Variants in NRIP3 observed in about 807,000 individuals in gnomAD.
NRIP3 encodes the protein nuclear receptor-interacting protein 3.
In NRIP3, 31 loss-of-function variants were observed where a neutral mutation model predicts 29.0. That is an observed-to-expected ratio of 1.07 (90% CI 0.80 to 1.44). NRIP3 has a LOEUF of 1.44. Ranked by LOEUF, NRIP3 falls within the 40% of genes most tolerant of loss-of-function variation. NRIP3 has a pLI of 0.00. For missense variants in NRIP3, 314 were observed against 297.9 expected, an observed-to-expected ratio of 1.05 and a Z score of -0.40; for synonymous variants, 131 against 118.3, an observed-to-expected ratio of 1.11 and a Z score of -0.70.
intron 1 of NRIP3, among the ~76,000 whole-genome samples, chr11:8,994,089 G>A (rs1566139134): frequency 6.6e-6 from 1 of 152,150 alleles, no homozygotes; most frequent in Non-Finnish European, 1.5e-5. Context: ...CATAGAAGCT[G>A]CTGATACTAA....
chr11:8,984,251 ATTTT>A, intron 4 of NRIP3, 127 bp from the exon 5 acceptor site: 1 of 358,440 alleles, frequency 2.8e-6, no homozygotes, highest in Non-Finnish European at 4.5e-6. Context: ...AGCATGTGTT[ATTTT>A]TTTTTTATTT....
At position 8,983,138 on chromosome 11, in the gene NRIP3, G is replaced by A; in HGVS notation, c.*407C>T. The A allele has an allele frequency of 2.5e-6, 1 of 402,080 alleles. No individual in the cohort carries two copies. The highest frequency in any genetic ancestry group is 4.8e-6 in the Non-Finnish European group (1 of 209,668). The allele number at this position is 402,080 out of a possible 1,614,324, so 24.9% of individuals were successfully genotyped here. ...ATCCTGGCACCTGTTTGAAACAGCT[G>A]AAAGGAGGTAAAGGTCAGGTTCCTG... On this transcript the variant is annotated 3_prime_UTR_variant, in exon 7 of 7. Transcript: ENST00000309166.
rs1366025547 is a variant in NRIP3, at chr11:9,003,900, G to A, written c.36C>T (p.Arg12=). ...CCGCCTCCCGCATGTCGGTCTCCTT[G>A]CGGCCGCCCTCAGTGAGGAGCCCTG... is the stretch of plus-strand genomic sequence containing the variant. ...FYSGLLTEGG[R]KETDMREAAS... The change falls in exon 1 of 7, where the codon CGC becomes CGT. Residue 12 remains arginine, a synonymous_variant. Coordinates refer to ENST00000309166, the MANE Select transcript of NRIP3 (RefSeq NM_020645.3). 6.6e-7 allele frequency: 1 copy of A among 1,521,682 alleles called. No homozygotes were observed. Among genetic ancestry groups the A allele is most frequent in the Admixed American group, 2.1e-5 (1 of 47,994 alleles). 94.3% of individuals were successfully genotyped at this position (1,521,682 alleles called of 1,614,324 possible). A position where few individuals can be genotyped will look rare whatever the true frequency, so the allele number is the denominator to read the frequency against.
In NRIP3 at chr11:8,980,941, G is replaced by C. The variant is rs1854405132; in HGVS notation, c.*2604C>G. ...TTTTCAAACTCTGTTATTTGAGATA[G>C]ACATCTAATAAGGAATGAGACAGGT... On this transcript the variant is annotated 3_prime_UTR_variant, in exon 7 of 7. Transcript: ENST00000309166. 6.6e-6 allele frequency: 1 copy of C among 152,180 alleles called. No homozygotes were observed. The highest frequency in any genetic ancestry group is 2.4e-5 in the African/African-American group (1 of 41,440). The allele number at this position is 152,180 out of a possible 1,614,324, so 9.4% of individuals were successfully genotyped here. A position where few individuals can be genotyped will look rare whatever the true frequency, so the allele number is the denominator to read the frequency against.
At chr11:8,995,880 G>C (rs1462757217) in intron 1 of NRIP3, among the ~76,000 whole-genome samples, 5 of 152,094 alleles carry the variant, frequency 3.3e-5, no homozygotes, top group African/African-American at 1.2e-4. Context: ...TCACTTCCTT[G>C]CTCAAAATTT....
chr11:8,983,874 C>A lies in NRIP3; in HGVS notation c.710+1G>T, dbSNP rs752666076. ...TTGATCTGACCCATTTGGGCACTCA[C>A]TTGTCTTCATTCAAAGAGACTGTCT... On this transcript the variant is annotated splice_donor_variant, in intron 6 of 6. Transcript: ENST00000309166. LOFTEE classifies it high-confidence loss of function. 6.2e-7 allele frequency: 1 copy of A among 1,613,566 alleles called. No individual in the cohort carries two copies. Among genetic ancestry groups the A allele is most frequent in the Non-Finnish European group, 8.5e-7 (1 of 1,179,442 alleles).
intron 3 of NRIP3, 43 bp downstream of exon 3, chr11:8,987,505 T>G: frequency 7.4e-7 from 1 of 1,343,596 alleles, no homozygotes; most frequent in Non-Finnish European, 1.1e-6. Context: ...AAGCGAAGAG[T>G]ACAGTCACAT....
chr11:8,992,842 G>A (rs555762770), intron 1 of NRIP3, among the ~76,000 whole-genome samples: 25 of 152,164 alleles, frequency 1.6e-4, no homozygotes, highest in African/African-American at 5.5e-4. Context: ...GGAACTCACC[G>A]TGGAGGTGGC....
Position 8,983,418 on chromosome 11 carries a change from A to G in NRIP3, c.*127T>C, listed in dbSNP as rs2134903916. On this transcript the variant is annotated 3_prime_UTR_variant, in exon 7 of 7. Coordinates refer to ENST00000309166, the MANE Select transcript of NRIP3 (RefSeq NM_020645.3). ...GGTCTGAATGGGAAGGAGCCCCTGG[A>G]GCTTCTATTAGATGGAAGGACTTGG... is the stretch of plus-strand genomic sequence containing the variant. The G allele has an allele frequency of 3.9e-6, 3 of 772,484 alleles. No individual in the cohort carries two copies. The highest frequency in any genetic ancestry group is 6.4e-6 in the Non-Finnish European group (3 of 466,074). 47.9% of individuals were successfully genotyped at this position (772,484 alleles called of 1,614,324 possible). A position where few individuals can be genotyped will look rare whatever the true frequency, so the allele number is the denominator to read the frequency against.
At chr11:8,984,022 A>C (rs780293598) in intron 5 of NRIP3, 50 bp downstream of exon 5, 2 of 1,603,594 alleles carry the variant, frequency 1.2e-6, no homozygotes, top group Admixed American at 3.3e-5. Context: ...GTGTAAGAGG[A>C]TACCTGCCTC....
intron 1 of NRIP3, among the ~76,000 whole-genome samples, chr11:9,002,596 TAAA>T (rs10701323): frequency 6.9e-5 from 7 of 101,234 alleles, no homozygotes; most frequent in South Asian, 3.4e-4. Context: ...GCTGTTAAAT[TAAA>T]AAAAAAAAAA....
At position 8,988,197 on chromosome 11, in the gene NRIP3, T is replaced by C; in HGVS notation, c.260A>G (p.Lys87Arg). The change falls in exon 2 of 7, where the codon AAG becomes AGG. Residue 87 changes from lysine (K) to arginine (R), a missense_variant. By Grantham distance (26) the Lys-to-Arg change is conservative (BLOSUM62 2). Transcript: ENST00000309166. ...RSGPRVPWAS[K>R]TNKLNQAKSE... ...CTTAGCCTGATTGAGTTTGTTCGTCTTAGAGGCCCAAGGGACACGGGGACC... is the reference window on the plus strand; with the variant it reads ...CTTAGCCTGATTGAGTTTGTTCGTCCTAGAGGCCCAAGGGACACGGGGACC... 1.2e-6 allele frequency: 2 copies of C among 1,614,190 alleles called. No homozygotes were observed. The highest frequency in any genetic ancestry group is 2.2e-5 in the South Asian group (2 of 91,070).
At chr11:9,003,672 T>C (rs1385845390) in intron 1 of NRIP3, 90 bp downstream of exon 1, 6 of 1,247,682 alleles carry the variant, frequency 4.8e-6, no homozygotes, top group Non-Finnish European at 6.3e-6. Flanking sequence ...GGCCGGGCCG[T>C]GACTCAGTGA....
At chr11:8,997,194 G>T (rs534104103) in intron 1 of NRIP3, among the ~76,000 whole-genome samples, 6 of 151,998 alleles carry the variant, frequency 3.9e-5, no homozygotes, top group Non-Finnish European at 8.8e-5. Context: ...GGCCAATGTG[G>T]TGAAACCCTG....
chr11:9,003,725 C>G (rs1349567644), intron 1 of NRIP3, 37 bp downstream of exon 1: 4 of 1,371,072 alleles, frequency 2.9e-6, no homozygotes, highest in Non-Finnish European at 3.8e-6. Flanking sequence ...GGCGCGAAGC[C>G]GCCGGGGCCG....
chr11:8,983,888 A>T lies in NRIP3; in HGVS notation c.697T>A (p.Leu233Met). ...TTGGGCACTCACTTGTCTTCATTCA[A>T]AGAGACTGTCTCCACAAAAGGGATT... ...EEIPFVETVS[L>M]NEDNTSEA Residue 233 changes from leucine to methionine, a missense_variant, in exon 6 of 7, where the codon TTG (leucine) becomes ATG (methionine). Physicochemically the swap from Leu to Met is conservative, Grantham distance 15. Transcript: ENST00000309166. 2 of 1,614,090 alleles carry T rather than the reference A, an allele frequency of 1.2e-6. No homozygotes were observed. Among genetic ancestry groups the T allele is most frequent in the Non-Finnish European group, 1.7e-6 (2 of 1,179,942 alleles).
At chr11:8,998,921 G>A (rs1854754884) in intron 1 of NRIP3, among the ~76,000 whole-genome samples, 1 of 150,292 alleles carries the variant, frequency 6.7e-6, no homozygotes, top group African/African-American at 2.5e-5. Flanking sequence ...AGCCTCCCGA[G>A]TTTCCCGAGT....
intron 4 of NRIP3, among the ~76,000 whole-genome samples, chr11:8,985,230 C>T (rs1186557342): frequency 8.4e-5 from 12 of 142,680 alleles, no homozygotes; most frequent in African/African-American, 3.2e-4. Flanking sequence ...AGTGCAGTGG[C>T]ACGATCTCAG....
intron 1 of NRIP3, among the ~76,000 whole-genome samples, chr11:8,998,192 C>G (rs1854740473): frequency 6.6e-6 from 1 of 152,186 alleles, no homozygotes; most frequent in Non-Finnish European, 1.5e-5. Flanking sequence ...TCTTTGCTTA[C>G]TAGCTGAGTA....
Sources: gnomAD v4.1 joint callset for allele counts (sites outside exome capture counted in the v4.1 genomes callset) on GRCh38, gnomAD v4.1.1 for gene constraint, MANE v1.5 for transcripts, NCBI Gene and HGNC (gene_info 2026-07-23, HGNC 2026-07-21) for gene names.